Variants in CSMD3 observed in about 807,000 individuals in gnomAD.
CSMD3 encodes CUB and sushi domain-containing protein 3.
A neutral mutation model predicts 435.2 loss-of-function variants in CSMD3; 177 were observed. The ratio of observed to expected loss-of-function variants is 0.41; its 90% CI spans 0.36 to 0.46. The LOEUF (loss-of-function observed/expected upper bound fraction) is 0.46. Among genes scored for constraint, CSMD3 ranks in the 20% least tolerant of loss-of-function variants. The pLI is 0.34. For missense variants in CSMD3, 4,265 were observed against 4,504.6 expected, an observed-to-expected ratio of 0.95 and a Z score of 1.52; for synonymous variants, 1,656 against 1,520.5, an observed-to-expected ratio of 1.09 and a Z score of -2.07.
chr8:113,409,337 C>G (rs929044451), intron 1 of CSMD3, among the ~76,000 whole-genome samples: 1 of 151,914 alleles, frequency 6.6e-6, no homozygotes, highest in Non-Finnish European at 1.5e-5. Flanking sequence ...CCCCTCTCGG[C>G]CTCCCAAAGT....
At chr8:113,270,557 A>G (rs2093514823) in intron 3 of CSMD3, among the ~76,000 whole-genome samples, 1 of 152,170 alleles carries the variant, frequency 6.6e-6, no homozygotes, top group South Asian at 2.1e-4. Flanking sequence ...TCACAATAGC[A>G]AAGACTTGGA....
chr8:112,561,554 T>C (rs1256727513), intron 24 of CSMD3, among the ~76,000 whole-genome samples: 1 of 151,604 alleles, frequency 6.6e-6, no homozygotes, highest in African/African-American at 2.4e-5. Flanking sequence ...CAGACTCAAA[T>C]CAATGTTAAT....
intron 1 of CSMD3, among the ~76,000 whole-genome samples, chr8:113,418,025 C>G (rs1307736601): frequency 6.6e-6 from 1 of 152,022 alleles, no homozygotes; most frequent in Non-Finnish European, 1.5e-5. Flanking sequence ...GTAAATCCAT[C>G]TAATTTAAAA....
chr8:112,433,579 C>A (rs1291330934), intron 32 of CSMD3, among the ~76,000 whole-genome samples: 3 of 140,584 alleles, frequency 2.1e-5, no homozygotes, highest in African/African-American at 5.2e-5. Flanking sequence ...ATCACTTAAA[C>A]CTGGGTGGTC....
intron 11 of CSMD3, among the ~76,000 whole-genome samples, chr8:112,857,480 G>A (rs983635174): frequency 3.3e-5 from 5 of 151,778 alleles, no homozygotes; most frequent in South Asian, 2.1e-4. Flanking sequence ...ATGTAATTGC[G>A]AAGACAAAAC....
chr8:112,659,951 A>T (rs2131677015), intron 17 of CSMD3, among the ~76,000 whole-genome samples: 1 of 152,256 alleles, frequency 6.6e-6, no homozygotes. Flanking sequence ...TATAGAAAAA[A>T]ACTACAAAAT....
chr8:113,403,528 T>C (rs2094519455), intron 1 of CSMD3, among the ~76,000 whole-genome samples: 1 of 151,306 alleles, frequency 6.6e-6, no homozygotes, highest in African/African-American at 2.4e-5. Flanking sequence ...CTTCCCATTT[T>C]CTCCTCTTCT....
chr8:113,173,854 T>C lies in CSMD3; in HGVS notation c.577A>G (p.Arg193Gly). The part of the protein sequence containing the change: ...VPPKGVLYGT[R>G]FDVGDKIRYS... ...CGGATCTTGTCCCCGACGTCGAATCTTGTGCCATATAATACACCTTTGGGT... is the reference window on the plus strand; with the variant it reads ...CGGATCTTGTCCCCGACGTCGAATCCTGTGCCATATAATACACCTTTGGGT... The change falls in exon 4 of 71, where the codon AGA becomes GGA. Residue 193 changes from arginine to glycine, a missense_variant. Around this residue, in one of 3 missense-constraint regions of CSMD3, gnomAD observed 731 missense variants for 755.4 expected, o/e 0.97. Coordinates refer to ENST00000297405, the MANE Select transcript of CSMD3 (RefSeq NM_198123.2). 12 of 1,613,926 alleles carry C rather than the reference T, an allele frequency of 7.4e-6. No individual in the cohort carries two copies. Among genetic ancestry groups the C allele is most frequent in the Non-Finnish European group, 1.0e-5 (12 of 1,179,882 alleles).
chr8:113,359,667 T>C (rs759129412), intron 1 of CSMD3, among the ~76,000 whole-genome samples: 8 of 152,234 alleles, frequency 5.3e-5, no homozygotes, highest in African/African-American at 2.4e-5. Context: ...TTCTGAGCCA[T>C]AATATCCTTT....
chr8:112,947,579 A>G (rs1240414813), intron 9 of CSMD3, among the ~76,000 whole-genome samples: 1 of 151,726 alleles, frequency 6.6e-6, no homozygotes, highest in African/African-American at 2.4e-5. Flanking sequence ...GAAATTAATC[A>G]TTTAAACTAA....
intron 2 of CSMD3, among the ~76,000 whole-genome samples, chr8:113,290,048 G>T: frequency 6.6e-6 from 1 of 151,152 alleles, no homozygotes; most frequent in Non-Finnish European, 1.5e-5. Context: ...GTAATTAGAG[G>T]GTTTGCACAT....
chr8:112,405,338 C>T (rs1047768635), intron 35 of CSMD3, among the ~76,000 whole-genome samples: 2 of 143,534 alleles, frequency 1.4e-5, no homozygotes, highest in Admixed American at 1.4e-4. Flanking sequence ...TATTTTATAA[C>T]CTGAGATTAA....
At chr8:112,972,624 GA>G (rs1209630021) in intron 7 of CSMD3, among the ~76,000 whole-genome samples, 1 of 151,834 alleles carries the variant, frequency 6.6e-6, no homozygotes, top group Non-Finnish European at 1.5e-5. Context: ...CTTTAATACT[GA>G]AATATGTAGA....
At chr8:112,869,487 G>A (rs1056691865) in intron 10 of CSMD3, among the ~76,000 whole-genome samples, 9 of 152,064 alleles carry the variant, frequency 5.9e-5, no homozygotes, top group Non-Finnish European at 1.2e-4. Context: ...GTTTCCTCAA[G>A]GATCTAGAAT....
At chr8:112,696,484 C>T (rs2076259042) in intron 13 of CSMD3, among the ~76,000 whole-genome samples, 1 of 152,108 alleles carries the variant, frequency 6.6e-6, no homozygotes, top group Admixed American at 6.6e-5. Context: ...AAAGGATTCC[C>T]TATTTAATAA....
intron 3 of CSMD3, among the ~76,000 whole-genome samples, chr8:113,217,161 A>G (rs1292133949): frequency 2.0e-5 from 3 of 151,854 alleles, no homozygotes; most frequent in Admixed American, 6.6e-5. Context: ...AGAAATAACT[A>G]AGAACAAAGC....
chr8:112,257,191 A>T (rs985712610), intron 61 of CSMD3, among the ~76,000 whole-genome samples: 9 of 152,196 alleles, frequency 5.9e-5, no homozygotes, highest in Non-Finnish European at 1.3e-4. Context: ...CCCTTTGAAA[A>T]CTGGCACAAG....
rs73335548 is a variant in CSMD3, at chr8:113,249,653, G to C, written c.514+28939C>G. Among the ~76,000 whole-genome samples the C allele has an allele frequency of 3.5e-3, 537 of 151,906 alleles. 2 individuals are homozygous for C. Among genetic ancestry groups the C allele is most frequent in the African/African-American group, 0.012 (500 of 41,446 alleles). ...AATATGGCATATAATATTTTTGTTG[G>C]ACAGAGCATAAAAAGAAATTCGACT... On this transcript the variant is annotated intron_variant, in intron 3 of 70. Transcript: ENST00000297405.
chr8:112,268,598 T>C (rs2130447277), intron 59 of CSMD3, among the ~76,000 whole-genome samples: 1 of 152,330 alleles, frequency 6.6e-6, no homozygotes, highest in African/African-American at 2.4e-5. Flanking sequence ...ACATTTTTAA[T>C]GGCATATTAA....
Sources: gnomAD v4.1 joint callset for allele counts (sites outside exome capture counted in the v4.1 genomes callset) on GRCh38, gnomAD v4.1.1 for gene constraint, gnomAD v4.1.1 regional missense constraint, MANE v1.5 for transcripts, NCBI Gene and HGNC (gene_info 2026-07-23, HGNC 2026-07-21) for gene names.